The following MTNR1B variants were observed in gnomAD, a reference collection of about 807,000 sequenced individuals.
MTNR1B encodes melatonin receptor type 1B.
A neutral mutation model predicts 7.0 loss-of-function variants in MTNR1B; 7 were observed. That is an observed-to-expected ratio of 1.00 (90% CI 0.57 to 1.88). MTNR1B has a LOEUF of 1.88. MTNR1B is among the 40% of genes most tolerant of loss of function. The pLI is 0.00. For synonymous variants in MTNR1B, 226 were observed against 208.2 expected (o/e 1.09, Z -0.74); for missense variants, 478 against 486.5 (o/e 0.98, Z 0.16).
intron 1 of MTNR1B, chr11:92,972,675 A>C (rs1220764958): frequency 7.8e-6 from 3 of 383,002 alleles, no homozygotes; most frequent in African/African-American, 6.3e-5. Flanking sequence ...CACGCCTGTC[A>C]GATTGTGCTT....
Position 92,982,281 on chromosome 11 carries a change from T to TTGGTG in MTNR1B, c.1061_1065dup (p.Gln356ValfsTer23). On this transcript the variant is annotated frameshift_variant, in exon 2 of 2. Transcript: ENST00000257068. LOFTEE classifies it low-confidence loss of function (END_TRUNC). ...CTGCAGAGCCCAGCTCCACCCATCA[T>TTGGTG]TGGTGTGCAGCACCAGGCAGATGCT... The TTGGTG allele has an allele frequency of 6.2e-7, 1 of 1,613,926 alleles. No homozygotes were observed. The highest frequency in any genetic ancestry group is 8.5e-7 in the Non-Finnish European group (1 of 1,179,958).
intron 1 of MTNR1B, among the ~76,000 whole-genome samples, chr11:92,974,226 T>A (rs936078503): frequency 6.6e-6 from 1 of 152,194 alleles, no homozygotes; most frequent in Admixed American, 6.5e-5. Flanking sequence ...AATTGAATCA[T>A]GAGAGCAAGT....
At chr11:92,984,879 T>C (rs1565182148), downstream of MTNR1B, 2 of 456,108 alleles carry the variant, frequency 4.4e-6, no homozygotes, top group Non-Finnish European at 8.8e-6. Context: ...CATCAAGCAA[T>C]GTACATATTT....
intron 1 of MTNR1B, among the ~76,000 whole-genome samples, chr11:92,972,275 T>G (rs1260681386): frequency 6.6e-6 from 1 of 152,184 alleles, no homozygotes; most frequent in African/African-American, 2.4e-5. Flanking sequence ...TGAGAATACA[T>G]ATATTTCCAA....
At chr11:92,971,122 G>A (rs1857915384) in intron 1 of MTNR1B, among the ~76,000 whole-genome samples, 1 of 151,988 alleles carries the variant, frequency 6.6e-6, no homozygotes, top group South Asian at 2.1e-4. Context: ...ACTACACCCA[G>A]GTAATTTTTT....
chr11:92,974,880 G>A lies in MTNR1B; in HGVS notation c.223+4932G>A, dbSNP rs937441256. Among the ~76,000 whole-genome samples, 5 of 152,338 alleles carry A rather than the reference G, an allele frequency of 3.3e-5. No homozygotes were observed. The East Asian group carries it at 9.7e-4, about 29-fold the overall frequency. On this transcript the variant is annotated intron_variant, in intron 1 of 1. Transcript: ENST00000257068. ...GCCTCCCAAAGTGCTGGGATTACAG[G>A]CGTGAGCCACCGCGCCCGGCCTAAT...
intron 1 of MTNR1B, among the ~76,000 whole-genome samples, chr11:92,980,918 C>T (rs1211137035): frequency 6.6e-6 from 1 of 152,180 alleles, no homozygotes. Flanking sequence ...TTTACAAAAC[C>T]CATGTAAAGA....
At chr11:92,977,580 G>C (rs1461303509) in intron 1 of MTNR1B, among the ~76,000 whole-genome samples, 1 of 152,148 alleles carries the variant, frequency 6.6e-6, no homozygotes, top group Non-Finnish European at 1.5e-5. Context: ...GAATTGTCGT[G>C]CCTGACCAAC....
At position 92,981,769 on chromosome 11, in the gene MTNR1B, G is replaced by A. The variant is rs372043726; in HGVS notation, c.546G>A (p.Glu182=). The change falls in exon 2 of 2, where the codon GAG becomes GAA. Residue 182 remains glutamate (E), a synonymous_variant. Coordinates refer to ENST00000257068, the MANE Select transcript of MTNR1B (RefSeq NM_005959.5). The part of the protein sequence containing the change: ...LLPNFFVGSL[E]YDPRIYSCTF... ...CCAACTTCTTTGTGGGGTCCCTGGA[G>A]TACGACCCACGCATCTATTCCTGCA... is the stretch of plus-strand genomic sequence containing the variant. The A allele has an allele frequency of 2.5e-6, 4 of 1,614,098 alleles. No individual in the cohort carries two copies. The highest frequency in any genetic ancestry group is 3.4e-6 in the Non-Finnish European group (4 of 1,180,060).
chr11:92,982,139 A>C lies in MTNR1B; in HGVS notation c.916A>C (p.Ile306Leu). Reference protein sequence around the residue: ...LAYFNSCLNAIVYGLLNQNFR... With the variant: ...LAYFNSCLNALVYGLLNQNFR... The stretch of plus-strand genomic sequence containing the variant: ...TTATTTCAACAGCTGCCTGAATGCC[A>C]TTGTCTATGGGCTCTTGAACCAAAA... Residue 306 changes from isoleucine (I) to leucine (L), a missense_variant, in exon 2 of 2, where the codon ATT (isoleucine) becomes CTT (leucine). Transcript: ENST00000257068. The C allele has an allele frequency of 3.1e-6, 5 of 1,614,086 alleles. No homozygotes were observed. The highest frequency in any genetic ancestry group is 3.4e-6 in the Non-Finnish European group (4 of 1,179,972).
chr11:92,976,891 A>G (rs1385939769), intron 1 of MTNR1B, among the ~76,000 whole-genome samples: 1 of 152,190 alleles, frequency 6.6e-6, no homozygotes, highest in Non-Finnish European at 1.5e-5. Context: ...TATAAAACAG[A>G]AATCATGCTG....
Position 92,981,712 on chromosome 11 carries a change from C to T in MTNR1B, c.489C>T (p.Leu163=). The T allele has an allele frequency of 6.2e-7, 1 of 1,614,238 alleles. No homozygotes were observed. The highest frequency in any genetic ancestry group is 8.5e-7 in the Non-Finnish European group (1 of 1,180,050). Residue 163 remains leucine, a synonymous_variant, in exon 2 of 2, where the codon CTC becomes CTT. Coordinates refer to ENST00000257068, the MANE Select transcript of MTNR1B (RefSeq NM_005959.5). ...RRWHTPLHIC[L]IWLLTVVALL... is the part of the protein sequence containing the mutation. ...GGCACACCCCTCTGCACATCTGCCT[C>T]ATCTGGCTCCTCACCGTGGTGGCCT...
intron 1 of MTNR1B, among the ~76,000 whole-genome samples, chr11:92,977,903 A>G (rs1858035962): frequency 6.6e-6 from 1 of 152,174 alleles, no homozygotes; most frequent in Non-Finnish European, 1.5e-5. Flanking sequence ...GACTTCCCCA[A>G]CATATCCCTC....
At chr11:92,970,644 A>G (rs114824143) in intron 1 of MTNR1B, among the ~76,000 whole-genome samples, 2,323 of 152,270 alleles carry the variant, frequency 0.015, 72 homozygotes, top group African/African-American at 0.052. Flanking sequence ...TCCTATTTCA[A>G]TCCACTCTCA....
chr11:92,982,199 C>T lies in MTNR1B; in HGVS notation c.976C>T (p.Leu326Phe). Reference sequence around the variant, plus strand: ...GGAATACAAGAGGATCCTCTTGGCCCTTTGGAACCCACGGCACTGCATTCA... The same window carrying T: ...GGAATACAAGAGGATCCTCTTGGCCTTTTGGAACCCACGGCACTGCATTCA... ...RREYKRILLA[L>F]WNPRHCIQDA... Residue 326 changes from leucine to phenylalanine, a missense_variant, in exon 2 of 2, where the codon CTT (leucine) becomes TTT (phenylalanine). Coordinates refer to ENST00000257068, the MANE Select transcript of MTNR1B (RefSeq NM_005959.5). The T allele has an allele frequency of 6.2e-7, 1 of 1,614,218 alleles. No homozygotes were observed. Among genetic ancestry groups the T allele is most frequent in the Middle Eastern group, 1.6e-4 (1 of 6,062 alleles).
intron 1 of MTNR1B, 149 bp downstream of exon 1, chr11:92,970,097 C>T (rs1857901388): frequency 8.4e-7 from 1 of 1,190,018 alleles, no homozygotes; most frequent in Non-Finnish European, 1.1e-6. Context: ...AAGTTTGACT[C>T]TGCACTCAAA....
chr11:92,970,367 A>T (rs977750486), intron 1 of MTNR1B, among the ~76,000 whole-genome samples: 32 of 152,226 alleles, frequency 2.1e-4, no homozygotes, highest in Admixed American at 2.1e-3. Flanking sequence ...TTTATGTAGT[A>T]GTCGCTTAGA....
chr11:92,980,120 G>C (rs1858075146), intron 1 of MTNR1B, among the ~76,000 whole-genome samples: 1 of 152,198 alleles, frequency 6.6e-6, no homozygotes, highest in South Asian at 2.1e-4. Flanking sequence ...CAATGGGACA[G>C]ACACATGGTG....
Position 92,972,763 on chromosome 11 carries a change from G to T in MTNR1B, c.223+2815G>T, listed in dbSNP as rs1857952474. Among the ~76,000 whole-genome samples the T allele has an allele frequency of 1.3e-5, 2 of 152,098 alleles. 1 individual carries two copies. Among genetic ancestry groups the T allele is most frequent in the South Asian group, 4.1e-4 (2 of 4,824 alleles). On this transcript the variant is annotated intron_variant, in intron 1 of 1. Coordinates refer to ENST00000257068, the MANE Select transcript of MTNR1B (RefSeq NM_005959.5). ...CTCCTGGGCTCACCACTGCTGCCCT[G>T]ACCCTTGAGCTACACCTCGCTAATA... is the stretch of plus-strand genomic sequence containing the variant.
Sources: allele counts gnomAD v4.1 joint callset (sites outside exome capture counted in the v4.1 genomes callset), GRCh38; gene constraint gnomAD v4.1.1; transcripts MANE v1.5; gene names NCBI Gene and HGNC (gene_info 2026-07-23, HGNC 2026-07-21).